VPS13B: variants seen among roughly 807,000 people sequenced by gnomAD.
VPS13B encodes the protein intermembrane lipid transfer protein VPS13B.
Under a neutral mutation model 426.4 loss-of-function variants are expected in VPS13B, and 285 were observed. The ratio of observed to expected loss-of-function variants is 0.67; its 90% CI spans 0.61 to 0.74. The LOEUF is 0.74. VPS13B is among the 30% of genes least tolerant of loss of function. The probability of loss-of-function intolerance (pLI) is 0.00; values close to 1 mark genes in which losing one functional copy is unlikely to be tolerated. For missense variants in VPS13B, 4,537 were observed against 4,782.6 expected (o/e 0.95, Z 1.51); for synonymous variants, 1,676 against 1,676.4 (o/e 1.00, Z 0.01).
At chr8:99,486,150 T>A (rs1317167240) in intron 25 of VPS13B, among the ~76,000 whole-genome samples, 2 of 152,186 alleles carry the variant, frequency 1.3e-5, no homozygotes, top group Non-Finnish European at 2.9e-5. Context: ...TTTTTAGGTT[T>A]CTTTATCAAC....
chr8:99,233,052 C>T (rs1251822121), intron 17 of VPS13B: 8 of 1,258,924 alleles, frequency 6.4e-6, no homozygotes, highest in Admixed American at 5.2e-5. Flanking sequence ...GGAGGCCTCA[C>T]TTGCTGCGCT....
chr8:99,478,780 C>T (rs1360839568), intron 24 of VPS13B, among the ~76,000 whole-genome samples: 3 of 146,984 alleles, frequency 2.0e-5, no homozygotes, highest in Middle Eastern at 3.3e-3. Context: ...AACTTTTAAA[C>T]GAAATTAAAC....
intron 61 of VPS13B, among the ~76,000 whole-genome samples, chr8:99,873,975 G>A (rs1188193095): frequency 6.6e-6 from 1 of 152,198 alleles, no homozygotes; most frequent in Non-Finnish European, 1.5e-5. Flanking sequence ...AATTTTGGAA[G>A]GAATTAATTT....
At chr8:99,041,242 TGA>T (rs904810945) in intron 3 of VPS13B, among the ~76,000 whole-genome samples, 3 of 152,234 alleles carry the variant, frequency 2.0e-5, no homozygotes, top group African/African-American at 7.2e-5. Context: ...CTATTCACTC[TGA>T]GAGATGTATC....
At chr8:99,180,768 A>G (rs1425082496) in intron 16 of VPS13B, among the ~76,000 whole-genome samples, 1 of 152,222 alleles carries the variant, frequency 6.6e-6, no homozygotes, top group Non-Finnish European at 1.5e-5. Context: ...AGGGAGATAG[A>G]TAAGAGATTA....
chr8:99,610,736 T>C (rs894903219), intron 33 of VPS13B, among the ~76,000 whole-genome samples: 1 of 151,542 alleles, frequency 6.6e-6, no homozygotes, highest in Non-Finnish European at 1.5e-5. Flanking sequence ...TAAAGTATAA[T>C]AAAAAAAAGT....
chr8:99,776,764 C>G lies in VPS13B; in HGVS notation c.7248-11C>G. The G allele has an allele frequency of 6.2e-7, 1 of 1,613,984 alleles. No homozygotes were observed. The highest frequency in any genetic ancestry group is 8.5e-7 in the Non-Finnish European group (1 of 1,179,906). ...GGTTATTGAACTTCTTTTATCACTT[C>G]TTTCCCATAGCTCTGCAAGTGAGTC... On this transcript the variant is annotated splice_polypyrimidine_tract_variant and intron_variant, in intron 40 of 61. Transcript: ENST00000357162.
At chr8:99,562,519 G>A (rs1020458944) in intron 31 of VPS13B, among the ~76,000 whole-genome samples, 3 of 152,202 alleles carry the variant, frequency 2.0e-5, no homozygotes, top group Middle Eastern at 3.4e-3. Flanking sequence ...AACCTCAAGC[G>A]ATCCACCAGC....
chr8:99,044,084 C>CTTTTTTTTTTTTTTTTTTTTTTTT (rs5893476), intron 3 of VPS13B, among the ~76,000 whole-genome samples: 3 of 98,932 alleles, frequency 3.0e-5, no homozygotes, highest in African/African-American at 4.1e-5. Flanking sequence ...TTCTTTCTTT[C>CTTTTTTTTTTTTTTTTTTTTTTTT]TTTTTTTTTT....
intron 5 of VPS13B, among the ~76,000 whole-genome samples, chr8:99,108,936 A>G (rs539622855): frequency 8.5e-5 from 13 of 152,282 alleles, no homozygotes; most frequent in Middle Eastern, 6.8e-3. Flanking sequence ...GAATATTGGT[A>G]TTAGTTCTTT....
At chr8:99,029,618 A>AG in intron 2 of VPS13B, among the ~76,000 whole-genome samples, 1 of 152,224 alleles carries the variant, frequency 6.6e-6, no homozygotes, top group South Asian at 2.1e-4. Context: ...CCAAAAAAAA[A>AG]AACGAAAACC....
chr8:99,644,491 C>G (rs1307752035), intron 34 of VPS13B, among the ~76,000 whole-genome samples: 1 of 151,938 alleles, frequency 6.6e-6, no homozygotes, highest in Non-Finnish European at 1.5e-5. Context: ...GGGAAAAAAC[C>G]TTGTATGTAA....
intron 27 of VPS13B, 125 bp downstream of exon 27, chr8:99,503,075 T>C (rs1191174906): frequency 7.4e-6 from 5 of 678,234 alleles, no homozygotes; most frequent in Non-Finnish European, 1.3e-5. Context: ...ACCTCGGACA[T>C]ATTGAGAGTT....
At chr8:99,510,269 C>T (rs891416614) in intron 28 of VPS13B, among the ~76,000 whole-genome samples, 13 of 151,926 alleles carry the variant, frequency 8.6e-5, no homozygotes, top group Non-Finnish European at 1.3e-4. Context: ...ATAAATTAGC[C>T]AAATTATTGA....
chr8:99,458,287 T>C (rs1000333387), intron 23 of VPS13B, among the ~76,000 whole-genome samples: 50 of 152,350 alleles, frequency 3.3e-4, no homozygotes, highest in Non-Finnish European at 5.1e-4. Flanking sequence ...ATGGTGTATA[T>C]GTGCCACATT....
At chr8:99,239,697 TC>T (rs79734394) in intron 17 of VPS13B, among the ~76,000 whole-genome samples, 2 of 68,928 alleles carry the variant, frequency 2.9e-5, no homozygotes, top group Non-Finnish European at 7.8e-5. Context: ...CCAGAGTCAA[TC>T]TAAAGCATCT....
chr8:99,323,423 C>A (rs184341391), intron 19 of VPS13B, among the ~76,000 whole-genome samples: 6 of 152,234 alleles, frequency 3.9e-5, no homozygotes, highest in Non-Finnish European at 7.4e-5. Context: ...CTTAAAAACT[C>A]AGAATAGCCC....
intron 30 of VPS13B, among the ~76,000 whole-genome samples, chr8:99,540,292 G>T (rs1823545204): frequency 1.3e-5 from 2 of 150,550 alleles, no homozygotes; most frequent in Non-Finnish European, 3.0e-5. Context: ...TGTTAGCCAG[G>T]ATGGTCTCGA....
At chr8:99,074,971 T>G (rs10109066) in intron 3 of VPS13B, among the ~76,000 whole-genome samples, 125,646 of 152,088 alleles carry the variant, frequency 0.83, 52,416 homozygotes, top group South Asian at 0.89. Context: ...TCCTTGTCTG[T>G]TTTTGGTGTT....
Sources: allele counts gnomAD v4.1 joint callset (sites outside exome capture counted in the v4.1 genomes callset), GRCh38; gene constraint gnomAD v4.1.1; transcripts MANE v1.5; gene names NCBI Gene and HGNC (gene_info 2026-07-23, HGNC 2026-07-21).